ZNF236: variants seen among roughly 807,000 people sequenced by gnomAD.
The protein encoded by ZNF236 is zinc finger protein 236.
ZNF236 carries 50 observed loss-of-function variants against 191.2 expected under a neutral mutation model. The ratio of observed to expected loss-of-function variants is 0.26; its 90% CI spans 0.21 to 0.33. ZNF236 has a LOEUF of 0.33. Among genes scored for constraint, ZNF236 ranks in the 10% least tolerant of loss-of-function variants. The pLI is 1.00. For missense variants in ZNF236, 1,754 were observed against 2,374.5 expected, an observed-to-expected ratio of 0.74 and a Z score of 5.43; for synonymous variants, 907 against 928.8, an observed-to-expected ratio of 0.98 and a Z score of 0.43.
At chr18:76,830,722 C>T (rs990798811) in intron 1 of ZNF236, among the ~76,000 whole-genome samples, 1 of 152,114 alleles carries the variant, frequency 6.6e-6, no homozygotes, top group Admixed American at 6.6e-5. Flanking sequence ...CCGTCCTGGG[C>T]TGCATGTGGA....
chr18:76,847,083 G>A (rs1975709864), intron 1 of ZNF236, among the ~76,000 whole-genome samples: 1 of 151,824 alleles, frequency 6.6e-6, no homozygotes, highest in African/African-American at 2.4e-5. Flanking sequence ...ATGAGCCACT[G>A]TGCCCGGCCT....
At chr18:76,834,604 A>C (rs1248377432) in intron 1 of ZNF236, 1 of 457,668 alleles carries the variant, frequency 2.2e-6, no homozygotes, top group Non-Finnish European at 4.2e-6. Context: ...GAATGCCTGT[A>C]TGCACAGTTG....
rs1268240941 is a variant in ZNF236 at position 76,971,995 on chromosome 18, CT to C, written c.*3657del. 6.6e-6 allele frequency among the ~76,000 whole-genome samples: 1 copy of C among 152,196 alleles called. No homozygotes were observed. Among genetic ancestry groups the C allele is most frequent in the Non-Finnish European group, 1.5e-5 (1 of 68,036 alleles). ...GAATGTATCCCTTTTCCAAGACCTA[CT>C]GCATAGGAAGTAAGTGAGGCAGAGA... On this transcript the variant is annotated 3_prime_UTR_variant, in exon 31 of 31. Transcript: ENST00000320610.
chr18:76,897,983 TA>T (rs1977484580), intron 10 of ZNF236: 2 of 152,172 alleles, frequency 1.3e-5, no homozygotes. Context: ...GGGGAGGCAT[TA>T]AAAACAAGTA....
chr18:76,847,500 C>G (rs1975726221), intron 1 of ZNF236, among the ~76,000 whole-genome samples: 1 of 151,924 alleles, frequency 6.6e-6, no homozygotes, highest in African/African-American at 2.4e-5. Flanking sequence ...GAGTCTCACT[C>G]TTTCACCCAG....
chr18:76,950,288 T>A (rs1968372129), intron 27 of ZNF236, among the ~76,000 whole-genome samples: 1 of 152,244 alleles, frequency 6.6e-6, no homozygotes, highest in Non-Finnish European at 1.5e-5. Context: ...CAAAGCCCAC[T>A]GCTGCTTTAC....
At chr18:76,930,489 T>G (rs1484318623) in intron 25 of ZNF236, among the ~76,000 whole-genome samples, 1 of 152,242 alleles carries the variant, frequency 6.6e-6, no homozygotes, top group Non-Finnish European at 1.5e-5. Flanking sequence ...GCCATACTAT[T>G]TGATTTCATT....
rs1428020392 is a variant in ZNF236, at chr18:76,971,441, T to G, written c.*3102T>G. Among the ~76,000 whole-genome samples the G allele has an allele frequency of 6.6e-6, 1 of 152,248 alleles. No individual in the cohort carries two copies. The highest frequency in any genetic ancestry group is 1.5e-5 in the Non-Finnish European group (1 of 68,036). On this transcript the variant is annotated 3_prime_UTR_variant, in exon 31 of 31. Transcript: ENST00000320610. ...CCTCTTCCTGACAGTGTTCTGCTGG[T>G]GGGACATGAACATCAGTGCTTGTCT...
chr18:76,853,883 C>CA (rs1465028195), intron 3 of ZNF236, among the ~76,000 whole-genome samples: 6 of 151,724 alleles, frequency 4.0e-5, no homozygotes, highest in African/African-American at 1.5e-4. Context: ...TGGTGGCAGG[C>CA]CCTATAATCC....
At chr18:76,911,621 G>A (rs922379784) in intron 16 of ZNF236, among the ~76,000 whole-genome samples, 2 of 152,162 alleles carry the variant, frequency 1.3e-5, no homozygotes, top group African/African-American at 4.8e-5. Flanking sequence ...GCCCAGGGGT[G>A]GATGACTCTA....
chr18:76,919,954 C>T lies in ZNF236; in HGVS notation c.3453C>T (p.Ile1151=). The change falls in exon 20 of 31, where the codon ATC becomes ATT. Residue 1151 remains isoleucine (I), a synonymous_variant. Transcript: ENST00000320610. The surrounding 1 kb of genome is among the most constrained non-coding windows in gnomAD (Gnocchi z 5.3). ...LVQSAAEKDR[I]SELRDKQAEL... ...AGTCCGCGGCAGAAAAGGACCGCAT[C>T]AGTGAGCTGAGGGACAAGCAGGCGG... 6.2e-7 allele frequency: 1 copy of T among 1,614,154 alleles called. No homozygotes were observed. Among genetic ancestry groups the T allele is most frequent in the Non-Finnish European group, 8.5e-7 (1 of 1,180,030 alleles).
At chr18:76,901,512 A>G (rs1977591798) in intron 11 of ZNF236, among the ~76,000 whole-genome samples, 1 of 152,230 alleles carries the variant, frequency 6.6e-6, no homozygotes, top group South Asian at 2.1e-4. Flanking sequence ...TGACCCTAGC[A>G]CTTTGGAAGG....
Position 76,881,815 on chromosome 18 carries a change from T to C in ZNF236, c.1417+303T>C, listed in dbSNP as rs1599360429. Among the ~76,000 whole-genome samples the C allele has an allele frequency of 2.0e-5, 3 of 152,358 alleles. No homozygotes were observed. The East Asian group carries it at 5.8e-4, about 29-fold the overall frequency. ...AAGCTTGTTGTCTCCGACTGTTCTCTCTCTGCCCTGCTTAGGCGCCTCCTC... is the reference window on the plus strand; with the variant it reads ...AAGCTTGTTGTCTCCGACTGTTCTCCCTCTGCCCTGCTTAGGCGCCTCCTC... On this transcript the variant is annotated intron_variant, in intron 9 of 30. Transcript: ENST00000320610.
Position 76,960,140 on chromosome 18 carries a change from C to G in ZNF236, c.5242+324C>G, listed in dbSNP as rs1241962028. On this transcript the variant is annotated intron_variant, in intron 29 of 30. Transcript: ENST00000320610. This position sits in a 1 kb window ranked among gnomAD's most constrained non-coding sequence, Gnocchi z 4.4. ...ACAGGCGGCCCCCAGTGCCTGGGTC[C>G]CATGTCCTCAATGTCACCGGGGAAC... Among the ~76,000 whole-genome samples the G allele has an allele frequency of 1.3e-5, 2 of 152,198 alleles. No individual in the cohort carries two copies. The highest frequency in any genetic ancestry group is 3.8e-4 in the East Asian group (2 of 5,196).
intron 22 of ZNF236, among the ~76,000 whole-genome samples, chr18:76,926,291 C>T (rs749084489): frequency 1.3e-5 from 2 of 151,674 alleles, no homozygotes; most frequent in Non-Finnish European, 2.9e-5. Flanking sequence ...AAGTAGGTTT[C>T]TGAGGTGATG....
At chr18:76,896,155 G>A (rs1026487386) in intron 10 of ZNF236, among the ~76,000 whole-genome samples, 5 of 151,898 alleles carry the variant, frequency 3.3e-5, no homozygotes, top group Non-Finnish European at 7.4e-5. Flanking sequence ...CACCCACACA[G>A]GCATTGCCCA....
Position 76,904,382 on chromosome 18 carries a change from C to G in ZNF236, c.1897C>G (p.Leu633Val). Residue 633 changes from leucine to valine, a missense_variant and splice_region_variant, in exon 12 of 31, where the codon CTC becomes GTC. Coordinates refer to ENST00000320610, the MANE Select transcript of ZNF236 (RefSeq NM_001306089.2). ...QEPILITDLGLIQPIPKNQFF... is the reference protein window; with the variant it reads ...QEPILITDLGVIQPIPKNQFF... ...TCTGCTTTTCTTTTGCTTTGTAGGTCTCATCCAGCCCATTCCAAAAAACCA... is the reference window on the plus strand; with the variant it reads ...TCTGCTTTTCTTTTGCTTTGTAGGTGTCATCCAGCCCATTCCAAAAAACCA... 2.5e-6 allele frequency: 4 copies of G among 1,596,126 alleles called. No individual in the cohort carries two copies. The highest frequency in any genetic ancestry group is 2.6e-6 in the Non-Finnish European group (3 of 1,172,404).
chr18:76,849,360 T>C, intron 1 of ZNF236, 166 bp from the exon 2 acceptor site: 1 of 528,364 alleles, frequency 1.9e-6, no homozygotes, highest in Non-Finnish European at 3.3e-6. Flanking sequence ...TTTCTAACTT[T>C]AAAACATGTC....
At chr18:76,906,631 T>C (rs768615245) in intron 13 of ZNF236, among the ~76,000 whole-genome samples, 5 of 152,270 alleles carry the variant, frequency 3.3e-5, no homozygotes, top group Non-Finnish European at 7.4e-5. Flanking sequence ...GGAATATGGG[T>C]GTTCAGGCCC....
Sources: allele counts gnomAD v4.1 joint callset (sites outside exome capture counted in the v4.1 genomes callset), GRCh38; gene constraint gnomAD v4.1.1; non-coding constraint Gnocchi (gnomAD v3.1); transcripts MANE v1.5; gene names NCBI Gene and HGNC (gene_info 2026-07-23, HGNC 2026-07-21).